The following ANKS1B variants were observed in gnomAD, a reference collection of about 807,000 sequenced individuals.
The protein encoded by ANKS1B is ankyrin repeat and sterile alpha motif domain-containing protein 1B.
A neutral mutation model predicts 148.3 loss-of-function variants in ANKS1B; 36 were observed. The ratio of observed to expected loss-of-function variants is 0.24; its 90% confidence interval spans 0.19 to 0.32. The LOEUF is 0.32. Ranked by LOEUF, ANKS1B falls within the 10% of genes least tolerant of loss-of-function variation. The pLI, the probability that ANKS1B is intolerant of heterozygous loss-of-function variation, is 1.00. For synonymous variants in ANKS1B, 542 were observed against 560.8 expected, an observed-to-expected ratio of 0.97 and a Z score of 0.47; for missense variants, 1,157 against 1,542.6, an observed-to-expected ratio of 0.75 and a Z score of 4.19.
intron 25 of ANKS1B, among the ~76,000 whole-genome samples, chr12:98,755,015 G>A (rs2098197462): frequency 6.6e-6 from 1 of 152,092 alleles, no homozygotes; most frequent in Non-Finnish European, 1.5e-5. Context: ...CTTGTCTGCA[G>A]CCCTCCTGTT....
chr12:99,164,505 G>C (rs1218380570), intron 14 of ANKS1B, among the ~76,000 whole-genome samples: 1 of 151,872 alleles, frequency 6.6e-6, no homozygotes, highest in Non-Finnish European at 1.5e-5. Context: ...GTGACTCTGA[G>C]ATACTTCTCT....
At chr12:99,042,764 A>T (rs1357728389) in intron 17 of ANKS1B, among the ~76,000 whole-genome samples, 1 of 152,228 alleles carries the variant, frequency 6.6e-6, no homozygotes, top group Non-Finnish European at 1.5e-5. Context: ...TAATGCTATT[A>T]TCCAAATTTC....
downstream of ANKS1B, among the ~76,000 whole-genome samples, chr12:98,741,798 G>A (rs1047692319): frequency 6.6e-6 from 1 of 152,138 alleles, no homozygotes. Flanking sequence ...AGAGAAATCC[G>A]CCTCTCAAAT....
chr12:99,177,716 C>A (rs1369399524), intron 14 of ANKS1B, among the ~76,000 whole-genome samples: 1 of 152,186 alleles, frequency 6.6e-6, no homozygotes. Context: ...GCAATAATGG[C>A]AATAATGCCA....
At chr12:98,932,792 G>T (rs1175572420) in intron 17 of ANKS1B, among the ~76,000 whole-genome samples, 1 of 152,028 alleles carries the variant, frequency 6.6e-6, no homozygotes, top group African/African-American at 2.4e-5. Flanking sequence ...CTCCTTCAGG[G>T]TTTCACAGAA....
At chr12:99,204,794 G>C (rs1358014137) in intron 14 of ANKS1B, among the ~76,000 whole-genome samples, 2 of 152,116 alleles carry the variant, frequency 1.3e-5, no homozygotes. Flanking sequence ...CCTTATTGAG[G>C]GTAGCCCGTG....
chr12:99,648,397 C>T lies in ANKS1B; in HGVS notation c.1272+6670G>A, dbSNP rs146105601. 4.2e-5 allele frequency: 67 copies of T among 1,614,046 alleles called. 1 individual carries two copies. Among genetic ancestry groups the T allele is most frequent in the Middle Eastern group, 1.6e-4 (1 of 6,084 alleles). On this transcript the variant is annotated intron_variant, in intron 9 of 26. Coordinates refer to ENST00000683438, the MANE Select transcript of ANKS1B (RefSeq NM_001352186.2). ...CCGAATGGTAACAATGGGCATCGTTCGCACCAGCCCCTGCCTCACACTACC... is the reference window on the plus strand; with the variant it reads ...CCGAATGGTAACAATGGGCATCGTTTGCACCAGCCCCTGCCTCACACTACC...
chr12:99,783,687 A>T (rs1202047682), intron 4 of ANKS1B, among the ~76,000 whole-genome samples: 1 of 152,150 alleles, frequency 6.6e-6, no homozygotes, highest in Non-Finnish European at 1.5e-5. Context: ...TTGGACCCAT[A>T]GAAGTAGAGA....
rs973713595 is a variant in ANKS1B at position 99,066,763 on chromosome 12, G to C, written c.2626-13454C>G. On this transcript the variant is annotated intron_variant, in intron 16 of 26. Transcript: ENST00000683438. ...GAAGTAGTTAGATTCTGGGTATCTT[G>C]ACGGTAGACCAGCATAATTTCCTGA... Among the ~76,000 whole-genome samples the C allele has an allele frequency of 2.0e-5, 3 of 152,210 alleles. No individual in the cohort carries two copies. The East Asian group carries it at 5.8e-4, about 29-fold the overall frequency.
chr12:99,940,559 C>T (rs2094894333), intron 1 of ANKS1B, among the ~76,000 whole-genome samples: 1 of 152,050 alleles, frequency 6.6e-6, no homozygotes, highest in South Asian at 2.1e-4. Flanking sequence ...AACTGATGAA[C>T]ATACAGCCAA....
intron 17 of ANKS1B, among the ~76,000 whole-genome samples, chr12:98,862,318 C>T (rs765901561): frequency 7.9e-5 from 12 of 152,160 alleles, no homozygotes; most frequent in Non-Finnish European, 1.2e-4. Flanking sequence ...TGGTTCCCTA[C>T]ATTTCAGTTC....
intron 17 of ANKS1B, among the ~76,000 whole-genome samples, chr12:98,877,064 C>G (rs1055441884): frequency 3.3e-5 from 5 of 152,170 alleles, no homozygotes; most frequent in African/African-American, 7.2e-5. Flanking sequence ...AGTAGCAACA[C>G]AGCCAATCTA....
At chr12:99,437,932 C>A (rs2095487880) in intron 11 of ANKS1B, among the ~76,000 whole-genome samples, 1 of 151,986 alleles carries the variant, frequency 6.6e-6, no homozygotes, top group Non-Finnish European at 1.5e-5. Flanking sequence ...TAAGCTTCTA[C>A]ATTCTTCACC....
chr12:99,695,281 C>CAA (rs766235696), intron 8 of ANKS1B, among the ~76,000 whole-genome samples: 7 of 152,100 alleles, frequency 4.6e-5, no homozygotes, highest in Non-Finnish European at 8.8e-5. Flanking sequence ...ACAAATATAG[C>CAA]AAAACTTCAA....
At chr12:99,792,439 G>C (rs1327003871) in intron 4 of ANKS1B, among the ~76,000 whole-genome samples, 2 of 151,652 alleles carry the variant, frequency 1.3e-5, no homozygotes, top group Non-Finnish European at 3.0e-5. Context: ...ACCAAAAAAA[G>C]AAAACTATAG....
At chr12:99,505,930 C>T (rs575331331) in intron 9 of ANKS1B, among the ~76,000 whole-genome samples, 5 of 152,100 alleles carry the variant, frequency 3.3e-5, no homozygotes, top group East Asian at 1.9e-4. Flanking sequence ...CTTACATTAG[C>T]GTATAGTTGG....
intron 20 of ANKS1B, among the ~76,000 whole-genome samples, chr12:98,807,595 A>T (rs1381208556): frequency 6.6e-6 from 1 of 152,070 alleles, no homozygotes; most frequent in Non-Finnish European, 1.5e-5. Context: ...GAAAGCCAAA[A>T]CTCACATGGG....
intron 9 of ANKS1B, among the ~76,000 whole-genome samples, chr12:99,553,145 T>TA (rs76815529): frequency 0.019 from 2,931 of 152,264 alleles, 91 homozygotes; most frequent in South Asian, 0.065. Context: ...AGCTTCAATG[T>TA]AAAATAAAGC....
At chr12:99,195,645 G>A (rs1172749311) in intron 14 of ANKS1B, among the ~76,000 whole-genome samples, 1 of 151,892 alleles carries the variant, frequency 6.6e-6, no homozygotes, top group Admixed American at 6.6e-5. Flanking sequence ...AAGCTCAGCA[G>A]GAAACAGGAT....
Sources: allele counts gnomAD v4.1 joint callset (sites outside exome capture counted in the v4.1 genomes callset), GRCh38; gene constraint gnomAD v4.1.1; transcripts MANE v1.5; gene names NCBI Gene and HGNC (gene_info 2026-07-23, HGNC 2026-07-21).